The following CADM2 variants were observed in gnomAD, a reference collection of about 807,000 sequenced individuals.
CADM2 encodes the protein immunoglobulin superfamily member 4D.
In CADM2, 12 loss-of-function variants were observed where a neutral mutation model predicts 49.8. The ratio of observed to expected loss-of-function variants is 0.24; its 90% CI spans 0.15 to 0.39. CADM2 has a LOEUF of 0.39. Among genes scored for constraint, CADM2 ranks in the 10% least tolerant of loss-of-function variants. The probability of loss-of-function intolerance (pLI) is 1.00; values close to 1 mark genes in which losing one functional copy is unlikely to be tolerated. For missense variants in CADM2, 378 were observed against 492.3 expected (o/e 0.77, Z 2.20); for synonymous variants, 214 against 175.4 (o/e 1.22, Z -1.74).
At chr3:86,057,140 C>G (rs771838325) in intron 8 of CADM2, among the ~76,000 whole-genome samples, 5 of 152,060 alleles carry the variant, frequency 3.3e-5, no homozygotes, top group Admixed American at 6.6e-5. Flanking sequence ...CATAAAATTA[C>G]GACATAATAG....
intron 1 of CADM2, among the ~76,000 whole-genome samples, chr3:85,097,213 T>C (rs999140398): frequency 1.3e-5 from 2 of 152,178 alleles, no homozygotes; most frequent in Non-Finnish European, 2.9e-5. Context: ...TGTGTTCTCA[T>C]TGTTCAATTC....
At chr3:85,308,352 T>C (rs2044266351) in intron 1 of CADM2, among the ~76,000 whole-genome samples, 1 of 142,428 alleles carries the variant, frequency 7.0e-6, no homozygotes, top group Non-Finnish European at 1.6e-5. Context: ...ACACTCCATG[T>C]TACAAGCCTA....
At chr3:85,567,181 G>A (rs2062291454) in intron 1 of CADM2, among the ~76,000 whole-genome samples, 1 of 152,108 alleles carries the variant, frequency 6.6e-6, no homozygotes. Context: ...ATAAAATCGC[G>A]TCTGGTACTT....
chr3:85,290,109 T>A (rs2106928402), intron 1 of CADM2, among the ~76,000 whole-genome samples: 1 of 152,116 alleles, frequency 6.6e-6, no homozygotes, highest in Non-Finnish European at 1.5e-5. Context: ...CGAAGCAGGG[T>A]GAGGCATTGC....
intron 1 of CADM2, among the ~76,000 whole-genome samples, chr3:85,266,602 G>A (rs1277888992): frequency 9.5e-6 from 1 of 105,714 alleles, no homozygotes; most frequent in Admixed American, 1.1e-4. Context: ...TGAAACTAGA[G>A]TCAAGACGGT....
intron 1 of CADM2, among the ~76,000 whole-genome samples, chr3:85,506,291 C>T (rs1338846074): frequency 6.6e-6 from 1 of 152,076 alleles, no homozygotes; most frequent in Non-Finnish European, 1.5e-5. Context: ...TAGCTTGTAA[C>T]TCTCAAAGTC....
chr3:85,125,407 T>G (rs1211019212), intron 1 of CADM2, among the ~76,000 whole-genome samples: 1 of 152,108 alleles, frequency 6.6e-6, no homozygotes, highest in African/African-American at 2.4e-5. Flanking sequence ...CTTAGTCTGT[T>G]GCCCAGGCAG....
chr3:85,433,582 G>C (rs1192881867), intron 1 of CADM2, among the ~76,000 whole-genome samples: 1 of 152,056 alleles, frequency 6.6e-6, no homozygotes, highest in Non-Finnish European at 1.5e-5. Context: ...GTCATGTAAG[G>C]AGCTAGCAAA....
chr3:85,969,968 TGA>T (rs894256100), intron 8 of CADM2, among the ~76,000 whole-genome samples: 1 of 79,134 alleles, frequency 1.3e-5, no homozygotes, highest in African/African-American at 9.8e-5. Flanking sequence ...TGTGTGTGTG[TGA>T]GTGTATATAT....
chr3:85,504,486 C>T (rs2040239067), intron 1 of CADM2, among the ~76,000 whole-genome samples: 1 of 152,330 alleles, frequency 6.6e-6, no homozygotes, highest in Non-Finnish European at 1.5e-5. Flanking sequence ...GGCCCCACCA[C>T]ATCCTGCTGA....
intron 1 of CADM2, among the ~76,000 whole-genome samples, chr3:85,115,769 G>A (rs960677049): frequency 1.3e-5 from 2 of 152,086 alleles, no homozygotes; most frequent in African/African-American, 2.4e-5. Flanking sequence ...TCAATCATAG[G>A]CTTTTCTTTT....
At position 85,660,818 on chromosome 3, in the gene CADM2, T is replaced by C. The variant is rs946514655; in HGVS notation, c.62-65704T>C. Among the ~76,000 whole-genome samples, 5 of 152,126 alleles carry C rather than the reference T, an allele frequency of 3.3e-5. No individual in the cohort carries two copies. In the South Asian group the frequency reaches 8.3e-4, roughly 25 times the overall value. On this transcript the variant is annotated intron_variant, in intron 1 of 9. Transcript: ENST00000383699. ...GCTCAGATATTTCCAAAGGGAAAAC[T>C]GACCAGCATGTACAGTGCACTTTTT...
intron 8 of CADM2, among the ~76,000 whole-genome samples, chr3:85,977,015 A>T (rs1265026647): frequency 1.3e-5 from 2 of 151,358 alleles, no homozygotes; most frequent in African/African-American, 4.8e-5. Flanking sequence ...GAATGCTCCT[A>T]GTACTTGAAA....
chr3:85,987,086 T>C (rs759389525), intron 8 of CADM2, among the ~76,000 whole-genome samples: 8 of 152,126 alleles, frequency 5.3e-5, no homozygotes, highest in Non-Finnish European at 1.0e-4. Flanking sequence ...TCCATCTGAC[T>C]TGAATGAAGT....
intron 1 of CADM2, among the ~76,000 whole-genome samples, chr3:85,137,490 A>G (rs2039451965): frequency 6.6e-6 from 1 of 152,042 alleles, no homozygotes; most frequent in Non-Finnish European, 1.5e-5. Context: ...ATCTAAAACA[A>G]ATTTTGACTT....
At chr3:84,991,618 CT>C (rs1333077173) in intron 1 of CADM2, among the ~76,000 whole-genome samples, 34 of 152,186 alleles carry the variant, frequency 2.2e-4, no homozygotes, top group African/African-American at 8.0e-4. Flanking sequence ...AAAACACACT[CT>C]TATGACACAA....
At chr3:85,070,246 T>G (rs1449641415) in intron 1 of CADM2, among the ~76,000 whole-genome samples, 2 of 152,146 alleles carry the variant, frequency 1.3e-5, no homozygotes, top group African/African-American at 4.8e-5. Flanking sequence ...TGGGCTAAAA[T>G]TATTAATTTT....
At chr3:85,006,946 G>T in intron 1 of CADM2, among the ~76,000 whole-genome samples, 1 of 151,714 alleles carries the variant, frequency 6.6e-6, no homozygotes, top group Non-Finnish European at 1.5e-5. Flanking sequence ...TATCCCTTAG[G>T]GTATTTTCCA....
At chr3:85,135,206 C>T (rs2039378134) in intron 1 of CADM2, among the ~76,000 whole-genome samples, 1 of 151,598 alleles carries the variant, frequency 6.6e-6, no homozygotes. Context: ...TTTTACAAAG[C>T]AAAAAATAGT....
Sources: gnomAD v4.1 joint callset for allele counts (sites outside exome capture counted in the v4.1 genomes callset) on GRCh38, gnomAD v4.1.1 for gene constraint, MANE v1.5 for transcripts, NCBI Gene and HGNC (gene_info 2026-07-23, HGNC 2026-07-21) for gene names.